The following SEC61G variants were observed in gnomAD, a reference collection of about 807,000 sequenced individuals.
The protein encoded by SEC61G is SEC61 translocon subunit gamma.
In SEC61G, 4 loss-of-function variants were observed where a neutral mutation model predicts 7.5. That is an observed-to-expected ratio of 0.54 (90% CI 0.26 to 1.22). The LOEUF (loss-of-function observed/expected upper bound fraction) is 1.22. SEC61G is among the 50% of genes most tolerant of loss of function. SEC61G has a pLI of 0.12. For missense variants in SEC61G, 53 were observed against 84.6 expected (o/e 0.63, Z 1.46); for synonymous variants, 24 against 24.4 (o/e 0.98, Z 0.05).
intron 3 of SEC61G, among the ~76,000 whole-genome samples, chr7:54,752,721 A>G (rs1242982349): frequency 6.6e-6 from 1 of 152,172 alleles, no homozygotes; most frequent in Non-Finnish European, 1.5e-5. Context: ...TATCAACTAC[A>G]TGACAGGATG....
chr7:54,753,454 T>G (rs1791451276), intron 3 of SEC61G, among the ~76,000 whole-genome samples: 1 of 152,044 alleles, frequency 6.6e-6, no homozygotes, highest in Non-Finnish European at 1.5e-5. Flanking sequence ...ATTGCTATAC[T>G]TAGAAAAAAA....
chr7:54,754,118 T>C (rs1791462819), intron 3 of SEC61G, among the ~76,000 whole-genome samples: 1 of 152,024 alleles, frequency 6.6e-6, no homozygotes, highest in African/African-American at 2.4e-5. Flanking sequence ...AGGCAGACAA[T>C]GATGTCTGGC....
chr7:54,752,571 G>A (rs932893087), intron 3 of SEC61G, 151 bp from the exon 4 acceptor site: 10 of 499,414 alleles, frequency 2.0e-5, no homozygotes, highest in African/African-American at 1.6e-4. Context: ...TAAAAGAATG[G>A]CACAATGAAC....
chr7:54,754,958 A>T (rs1257558818), intron 3 of SEC61G: 1 of 152,138 alleles, frequency 6.6e-6, no homozygotes, highest in Non-Finnish European at 1.5e-5. Flanking sequence ...ACCTCCAAAC[A>T]GTGGATGAGG....
At chr7:54,754,253 G>A (rs1791466175) in intron 3 of SEC61G, among the ~76,000 whole-genome samples, 1 of 152,150 alleles carries the variant, frequency 6.6e-6, no homozygotes, top group Non-Finnish European at 1.5e-5. Context: ...GAACAATGAA[G>A]GGTGATTATC....
At chr7:54,756,338 G>C (rs2116346011) in intron 2 of SEC61G, among the ~76,000 whole-genome samples, 1 of 152,280 alleles carries the variant, frequency 6.6e-6, no homozygotes, top group South Asian at 2.1e-4. Context: ...TTGCTATTAT[G>C]ATGAAGCCAA....
At chr7:54,753,474 A>C (rs1169955113) in intron 3 of SEC61G, among the ~76,000 whole-genome samples, 2 of 152,164 alleles carry the variant, frequency 1.3e-5, no homozygotes, top group Non-Finnish European at 2.9e-5. Flanking sequence ...AAGAAGAAAA[A>C]AATCTTAAGA....
At chr7:54,753,990 C>T (rs1791460370) in intron 3 of SEC61G, among the ~76,000 whole-genome samples, 1 of 152,148 alleles carries the variant, frequency 6.6e-6, no homozygotes, top group African/African-American at 2.4e-5. Flanking sequence ...GTGCTTTTAA[C>T]GGATACAAGG....
intron 2 of SEC61G, among the ~76,000 whole-genome samples, chr7:54,756,513 G>A (rs142359603): frequency 1.3e-3 from 193 of 152,200 alleles, no homozygotes; most frequent in African/African-American, 4.4e-3. Flanking sequence ...AAAATTAGCC[G>A]GGCGTGGTGG....
Position 54,757,489 on chromosome 7 carries a change from A to G in SEC61G, c.94+6T>C. On this transcript the variant is annotated splice_donor_region_variant and intron_variant, in intron 2 of 3. Coordinates refer to ENST00000352861, the MANE Select transcript of SEC61G (RefSeq NM_014302.4). ...TTAATTTTTTCTCTCATAGTCAAGCAATTACCTTTTCTATCAGGTTTAGTG... is the reference window on the plus strand; with the variant it reads ...TTAATTTTTTCTCTCATAGTCAAGCGATTACCTTTTCTATCAGGTTTAGTG... 6.2e-7 allele frequency: 1 copy of G among 1,610,102 alleles called. No homozygotes were observed. Among genetic ancestry groups the G allele is most frequent in the East Asian group, 2.2e-5 (1 of 44,832 alleles).
chr7:54,754,356 C>A (rs1791467702), intron 3 of SEC61G, among the ~76,000 whole-genome samples: 1 of 152,162 alleles, frequency 6.6e-6, no homozygotes, highest in Admixed American at 6.5e-5. Flanking sequence ...AGCAGAGGCA[C>A]CGAGTATGAA....
Position 54,755,853 on chromosome 7 carries a change from T to C in SEC61G, c.123A>G (p.Ala41=), listed in dbSNP as rs1391071730. The C allele has an allele frequency of 1.3e-6, 2 of 1,589,932 alleles. No homozygotes were observed. The highest frequency in any genetic ancestry group is 1.3e-5 in the African/African-American group (1 of 74,222). ...KEFQKIAMAT[A]IGFAIMGFIG... is the part of the protein sequence containing the mutation. ...TGAATCCCATTATAGCAAATCCTAT[T>C]GCTGTTGCCATGGCAATCTTCTGGA... The change falls in exon 3 of 4, where the codon GCA becomes GCG. Residue 41 remains alanine, a synonymous_variant. Transcript: ENST00000352861.
intron 1 of SEC61G, among the ~76,000 whole-genome samples, chr7:54,757,894 T>C (rs763567474): frequency 7.2e-5 from 11 of 152,250 alleles, no homozygotes; most frequent in Non-Finnish European, 1.6e-4. Context: ...TAAAAAAGGT[T>C]ACGCAATTGG....
intron 1 of SEC61G, 41 bp downstream of exon 1, chr7:54,759,117 C>G (rs1200276024): frequency 7.8e-6 from 4 of 510,558 alleles, no homozygotes; most frequent in Non-Finnish European, 1.6e-5. Flanking sequence ...AAAGGTGTGG[C>G]CGCCCCGTTC....
intron 3 of SEC61G, 69 bp downstream of exon 3, chr7:54,755,710 T>A (rs781344651): frequency 2.4e-4 from 202 of 849,130 alleles, no homozygotes; most frequent in Non-Finnish European, 3.5e-4. Flanking sequence ...ATTAACGAAA[T>A]AACAGCCTGT....
chr7:54,757,344 A>G (rs2116348887), intron 2 of SEC61G, 151 bp downstream of exon 2: 1 of 592,160 alleles, frequency 1.7e-6, no homozygotes, highest in Non-Finnish European at 2.9e-6. Context: ...AAATTTAGGA[A>G]GAAGTGACAA....
chr7:54,756,369 A>C (rs1384570585), intron 2 of SEC61G, among the ~76,000 whole-genome samples: 1 of 152,182 alleles, frequency 6.6e-6, no homozygotes, highest in Admixed American at 6.5e-5. Flanking sequence ...TGAAAAATCA[A>C]ACTGGGCTGG....
At chr7:54,758,847 G>A (rs888553093) in intron 1 of SEC61G, among the ~76,000 whole-genome samples, 1 of 152,172 alleles carries the variant, frequency 6.6e-6, no homozygotes, top group African/African-American at 2.4e-5. Context: ...ACCCCGAAGG[G>A]ATCGGGCAGC....
intron 3 of SEC61G, among the ~76,000 whole-genome samples, chr7:54,754,541 C>G (rs1319536438): frequency 6.6e-6 from 1 of 152,184 alleles, no homozygotes; most frequent in Non-Finnish European, 1.5e-5. Flanking sequence ...CTAGTTCTAA[C>G]TATTTATGAT....
Sources: allele counts gnomAD v4.1 joint callset (sites outside exome capture counted in the v4.1 genomes callset), GRCh38; gene constraint gnomAD v4.1.1; transcripts MANE v1.5; gene names NCBI Gene and HGNC (gene_info 2026-07-23, HGNC 2026-07-21).